LYRM1: variants seen among roughly 807,000 people sequenced by gnomAD.
LYRM1 encodes the protein LYR motif-containing protein 1.
Under a neutral mutation model 14.9 loss-of-function variants are expected in LYRM1, and 14 were observed. The observed-to-expected ratio is 0.94, with a 90% CI of 0.62 to 1.47. The LOEUF is 1.47. Among genes scored for constraint, LYRM1 ranks in the 40% most tolerant of loss-of-function variants. The pLI, the probability that LYRM1 is intolerant of heterozygous loss-of-function variation, is 0.00. For synonymous variants in LYRM1, 43 were observed against 56.2 expected, an observed-to-expected ratio of 0.77 and a Z score of 1.05; for missense variants, 153 against 149.9, an observed-to-expected ratio of 1.02 and a Z score of -0.11.
rs551819842 is a variant in LYRM1, at chr16:20,909,466, G to A, written c.1-6090G>A. 6.1e-4 allele frequency among the ~76,000 whole-genome samples: 93 copies of A among 152,286 alleles called. No individual in the cohort carries two copies. The Middle Eastern group carries it at 0.01, about 17-fold the overall frequency. The stretch of plus-strand genomic sequence containing the variant: ...ATAGACTTCGTGACCAGCTGAGACC[G>A]CAGTTGAATTGTGGTCCTCTAAACT... On this transcript the variant is annotated intron_variant, in intron 1 of 3. Transcript: ENST00000567954.
rs759753378 is a variant in LYRM1, at chr16:20,924,116, ATC to A, written c.*2_*3del. On this transcript the variant is annotated 3_prime_UTR_variant, in exon 4 of 4. Coordinates refer to ENST00000567954, the MANE Select transcript of LYRM1 (RefSeq NM_001128302.3). ...TCAGATCTCATGATGAAGTTTCCTA[ATC>A]TAGAGGAAAGTTTATTTCTGCAAAT... 1.2e-5 allele frequency: 19 copies of A among 1,527,492 alleles called. No individual in the cohort carries two copies. In the East Asian group the frequency reaches 4.0e-4, roughly 33 times the overall value. 94.6% of individuals were successfully genotyped at this position (1,527,492 alleles called of 1,614,324 possible). A position where few individuals can be genotyped will look rare whatever the true frequency, so the allele number is the denominator to read the frequency against.
Position 20,915,719 on chromosome 16 carries a change from G to A in LYRM1, c.159+5G>A. 2 of 1,613,526 alleles carry A rather than the reference G, an allele frequency of 1.2e-6. No individual in the cohort carries two copies. Reference sequence around the variant, plus strand: ...CTGTTCCGGAAAAACAAAAATGTAAGTAGGCCCCACTTGGAGATTGTGCAG... The same window carrying A: ...CTGTTCCGGAAAAACAAAAATGTAAATAGGCCCCACTTGGAGATTGTGCAG... On this transcript the variant is annotated splice_donor_5th_base_variant and intron_variant, in intron 2 of 3. Transcript: ENST00000567954.
intron 2 of LYRM1, among the ~76,000 whole-genome samples, chr16:20,918,743 G>T (rs1335296875): frequency 6.6e-6 from 1 of 152,076 alleles, no homozygotes; most frequent in African/African-American, 2.4e-5. Flanking sequence ...ATAATCCAAA[G>T]GTATCCCATG....
intron 1 of LYRM1, among the ~76,000 whole-genome samples, 171 bp from the exon 2 acceptor site, chr16:20,915,385 G>A (rs1033321603): frequency 2.0e-5 from 3 of 151,606 alleles, no homozygotes; most frequent in African/African-American, 4.9e-5. Flanking sequence ...GCGTGAACCC[G>A]GGAGGCGGAG....
At position 20,902,038 on chromosome 16, in the gene LYRM1, G is replaced by C. The variant is rs181438794; in HGVS notation, c.-1+1149G>C. On this transcript the variant is annotated intron_variant, in intron 1 of 3. Coordinates refer to ENST00000567954, the MANE Select transcript of LYRM1 (RefSeq NM_001128302.3). ...ACTCAGGAGAATCGCTTGAACCCGG[G>C]AGGTGGAGGTTGCAGTGAGCCAAGA... Among the ~76,000 whole-genome samples, 259 of 152,328 alleles carry C rather than the reference G, an allele frequency of 1.7e-3. 1 individual carries two copies. The highest frequency in any genetic ancestry group is 4.9e-3 in the African/African-American group (203 of 41,570).
At chr16:20,904,691 T>TGTGTGTGTGTG (rs1555499200) in intron 1 of LYRM1, among the ~76,000 whole-genome samples, 3 of 141,062 alleles carry the variant, frequency 2.1e-5, no homozygotes, top group African/African-American at 8.0e-5. Flanking sequence ...AAGTCTGTGG[T>TGTGTGTGTGTG]TGTGTGTGTG....
Position 20,915,692 on chromosome 16 carries a change from C to G in LYRM1, c.137C>G (p.Thr46Arg), listed in dbSNP as rs772943671. The stretch of plus-strand genomic sequence containing the variant: ...CAGTACATACTAAATGAAGCCAGAA[C>G]GCTGTTCCGGAAAAACAAAAATGTA... ...EKQYILNEAR[T>R]LFRKNKNLTD... The change falls in exon 2 of 4, where the codon ACG becomes AGG. Residue 46 changes from threonine to arginine, a missense_variant. Thr to Arg is a moderately conservative substitution (Grantham distance 71, BLOSUM62 -1). Coordinates refer to ENST00000567954, the MANE Select transcript of LYRM1 (RefSeq NM_001128302.3). 3.7e-6 allele frequency: 6 copies of G among 1,614,034 alleles called. No homozygotes were observed. In the Admixed American group the frequency reaches 1.0e-4, roughly 27 times the overall value.
At chr16:20,916,086 T>TA (rs57723741) in intron 2 of LYRM1, among the ~76,000 whole-genome samples, 1 of 151,386 alleles carries the variant, frequency 6.6e-6, no homozygotes, top group Non-Finnish European at 1.5e-5. Context: ...GTTGTTGTTT[T>TA]TTTTTTCAAT....
At chr16:20,900,643 G>GC, upstream of LYRM1, 1 of 152,516 alleles carries the variant, frequency 6.6e-6, no homozygotes, top group East Asian at 1.9e-4. Context: ...AGGAAAAATA[G>GC]GGGGAGGAGG....
intron 1 of LYRM1, among the ~76,000 whole-genome samples, chr16:20,909,808 A>T (rs995961864): frequency 6.6e-6 from 1 of 152,172 alleles, no homozygotes; most frequent in African/African-American, 2.4e-5. Flanking sequence ...AGCACAGGAT[A>T]CTCTCAATTA....
At chr16:20,910,457 G>A (rs1167072956) in intron 1 of LYRM1, among the ~76,000 whole-genome samples, 1 of 152,186 alleles carries the variant, frequency 6.6e-6, no homozygotes, top group East Asian at 1.9e-4. Context: ...TTTGAAAATA[G>A]TCCTATTAAG....
intron 1 of LYRM1, among the ~76,000 whole-genome samples, chr16:20,907,390 T>G (rs908943077): frequency 2.6e-5 from 4 of 152,270 alleles, no homozygotes; most frequent in African/African-American, 9.6e-5. Context: ...AGATAGAGTC[T>G]GACTCTGTTG....
chr16:20,914,198 A>G (rs538289893), intron 1 of LYRM1, among the ~76,000 whole-genome samples: 78 of 152,228 alleles, frequency 5.1e-4, no homozygotes, highest in Non-Finnish European at 1.1e-3. Flanking sequence ...GTGACAGACT[A>G]AAAGAGAGGT....
Position 20,914,222 on chromosome 16 carries a change from C to T in LYRM1, c.1-1334C>T, listed in dbSNP as rs975066284. On this transcript the variant is annotated intron_variant, in intron 1 of 3. Coordinates refer to ENST00000567954, the MANE Select transcript of LYRM1 (RefSeq NM_001128302.3). ...TAAAAGAGAGGTTGCAACCTGACAACCTCTGGGTGGAACTGAGCCTACAGA... is the reference window on the plus strand; with the variant it reads ...TAAAAGAGAGGTTGCAACCTGACAATCTCTGGGTGGAACTGAGCCTACAGA... Among the ~76,000 whole-genome samples the T allele has an allele frequency of 3.3e-5, 5 of 151,146 alleles. 1 individual carries two copies. Among genetic ancestry groups the T allele is most frequent in the African/African-American group, 1.2e-4 (5 of 41,172 alleles).
intron 1 of LYRM1, among the ~76,000 whole-genome samples, chr16:20,906,349 T>C (rs972813212): frequency 6.6e-6 from 1 of 152,140 alleles, no homozygotes; most frequent in African/African-American, 2.4e-5. Flanking sequence ...AAGAGGGACA[T>C]TGCACATACA....
chr16:20,902,557 C>T (rs2082117919), intron 1 of LYRM1: 1 of 152,150 alleles, frequency 6.6e-6, no homozygotes, highest in Non-Finnish European at 1.5e-5. Context: ...AAGGAAGAGG[C>T]CCCTTAATAT....
Position 20,915,710 on chromosome 16 carries a change from A to T in LYRM1, c.155A>T (p.Lys52Ile). Residue 52 changes from lysine (K) to isoleucine (I), a missense_variant, in exon 2 of 4, where the codon AAA becomes ATA. By Grantham distance (102) the Lys-to-Ile change is moderately radical. Coordinates refer to ENST00000567954, the MANE Select transcript of LYRM1 (RefSeq NM_001128302.3). ...GCCAGAACGCTGTTCCGGAAAAACA[A>T]AAATGTAAGTAGGCCCCACTTGGAG... ...NEARTLFRKN[K>I]NLTDTDLIKQ... 6.2e-7 allele frequency: 1 copy of T among 1,613,840 alleles called. No homozygotes were observed. The highest frequency in any genetic ancestry group is 1.1e-5 in the South Asian group (1 of 91,076).
chr16:20,913,641 G>A (rs887722157), intron 1 of LYRM1, among the ~76,000 whole-genome samples: 1 of 151,760 alleles, frequency 6.6e-6, no homozygotes, highest in Non-Finnish European at 1.5e-5. Flanking sequence ...GAAATATTTT[G>A]TAATAAGAAT....
chr16:20,904,691 T>TTTG (rs148224628), intron 1 of LYRM1, among the ~76,000 whole-genome samples: 2 of 141,062 alleles, frequency 1.4e-5, no homozygotes, highest in East Asian at 2.1e-4. Flanking sequence ...AAGTCTGTGG[T>TTTG]TGTGTGTGTG....
Sources: allele counts gnomAD v4.1 joint callset (sites outside exome capture counted in the v4.1 genomes callset), GRCh38; gene constraint gnomAD v4.1.1; transcripts MANE v1.5; gene names NCBI Gene and HGNC (gene_info 2026-07-23, HGNC 2026-07-21).